FGF1: variants seen among roughly 807,000 people sequenced by gnomAD.
FGF1 encodes the protein fibroblast growth factor 1, also known as beta-endothelial cell growth factor.
FGF1 carries 9 observed loss-of-function variants against 13.4 expected under a neutral mutation model. The observed-to-expected ratio is 0.67, with a 90% confidence interval of 0.40 to 1.17. The LOEUF is 1.17. FGF1 is among the 50% of genes most tolerant of loss of function. FGF1 has a pLI of 0.01. For missense variants in FGF1, 156 were observed against 192.7 expected (o/e 0.81, Z 1.13); for synonymous variants, 93 against 79.0 (o/e 1.18, Z -0.94).
chr5:142,636,432 GT>G (rs770012947), intron 1 of FGF1, among the ~76,000 whole-genome samples: 1 of 152,198 alleles, frequency 6.6e-6, no homozygotes, highest in Non-Finnish European at 1.5e-5. Flanking sequence ...TGGTAAAATT[GT>G]TCCCAGCTGT....
chr5:142,657,197 G>A (rs916404344), intron 1 of FGF1, among the ~76,000 whole-genome samples: 5 of 152,172 alleles, frequency 3.3e-5, no homozygotes, highest in African/African-American at 4.8e-5. Flanking sequence ...GATTACAGGT[G>A]TGAGCCACCG....
rs144232060 is a variant in FGF1 at position 142,606,242 on chromosome 5, G to GTGTGTA, written c.170-5438_170-5437insTACACA. 1.5e-3 allele frequency among the ~76,000 whole-genome samples: 220 copies of GTGTGTA among 148,012 alleles called. 1 individual carries two copies. Among genetic ancestry groups the GTGTGTA allele is most frequent in the African/African-American group, 4.5e-3 (178 of 39,556 alleles). The stretch of plus-strand genomic sequence containing the variant: ...TCTGTGTGTGTGTGTGTGTGTGTGT[G>GTGTGTA]TGTATGTAGTTTTTTTTTTTAATCC... On this transcript the variant is annotated intron_variant, in intron 2 of 3. Transcript: ENST00000337706.
At chr5:142,659,561 G>T (rs1418369252) in intron 1 of FGF1, among the ~76,000 whole-genome samples, 4 of 152,170 alleles carry the variant, frequency 2.6e-5, no homozygotes, top group Non-Finnish European at 5.9e-5. Flanking sequence ...GCAGAATGAT[G>T]AAAGGCAGTG....
At chr5:142,626,107 C>A (rs1486293037) in intron 1 of FGF1, among the ~76,000 whole-genome samples, 1 of 152,142 alleles carries the variant, frequency 6.6e-6, no homozygotes, top group Non-Finnish European at 1.5e-5. Flanking sequence ...AGATATGGTT[C>A]TAAGCACATT....
chr5:142,655,786 A>G (rs1238702271), intron 1 of FGF1, among the ~76,000 whole-genome samples: 1 of 152,208 alleles, frequency 6.6e-6, no homozygotes, highest in Non-Finnish European at 1.5e-5. Flanking sequence ...GGAGAGCCAG[A>G]GCAGCTTTCC....
intron 1 of FGF1, among the ~76,000 whole-genome samples, chr5:142,624,066 C>A (rs1004825275): frequency 6.6e-6 from 1 of 152,090 alleles, no homozygotes; most frequent in Non-Finnish European, 1.5e-5. Context: ...AATACAGGCA[C>A]CCGCTACCAT....
At chr5:142,661,120 C>T (rs945576935) in intron 1 of FGF1, among the ~76,000 whole-genome samples, 2 of 152,230 alleles carry the variant, frequency 1.3e-5, no homozygotes, top group Non-Finnish European at 2.9e-5. Context: ...CTTTTCTTTG[C>T]TCCACTCTTA....
chr5:142,606,248 G>A (rs1332707876), intron 2 of FGF1, among the ~76,000 whole-genome samples: 1 of 147,942 alleles, frequency 6.8e-6, no homozygotes, highest in Non-Finnish European at 1.5e-5. Flanking sequence ...GTGTGTGTAT[G>A]TAGTTTTTTT....
At chr5:142,606,218 C>CTGTGTGTGTGTGTGTGTGTGTGTG (rs61445131) in intron 2 of FGF1, among the ~76,000 whole-genome samples, 1 of 143,068 alleles carries the variant, frequency 7.0e-6, no homozygotes, top group Admixed American at 7.0e-5. Context: ...CTTTCTCTCT[C>CTGTGTGTGTGTGTGTGTGTGTGTG]TGTGTGTGTG....
At chr5:142,637,555 G>A (rs1478028620) in intron 1 of FGF1, among the ~76,000 whole-genome samples, 6 of 151,970 alleles carry the variant, frequency 3.9e-5, no homozygotes, top group South Asian at 2.1e-4. Context: ...TCCTGACTTC[G>A]TGATCTGCCT....
At chr5:142,665,615 A>G (rs1183126530) in intron 1 of FGF1, among the ~76,000 whole-genome samples, 2 of 152,062 alleles carry the variant, frequency 1.3e-5, no homozygotes, top group Non-Finnish European at 2.9e-5. Context: ...CAGTGACCTC[A>G]ATATGTTCTC....
intron 1 of FGF1, among the ~76,000 whole-genome samples, chr5:142,668,976 C>T (rs1017492978): frequency 3.9e-5 from 6 of 152,226 alleles, no homozygotes; most frequent in African/African-American, 1.2e-4. Context: ...ACAGGTTTTA[C>T]ATATGTGGGC....
intron 1 of FGF1, among the ~76,000 whole-genome samples, chr5:142,643,885 A>G (rs897225006): frequency 6.6e-6 from 1 of 152,242 alleles, no homozygotes; most frequent in Non-Finnish European, 1.5e-5. Flanking sequence ...TATTATGAGT[A>G]TGAAATGAAA....
intron 1 of FGF1, among the ~76,000 whole-genome samples, chr5:142,633,317 T>C (rs1016581386): frequency 1.2e-4 from 18 of 152,240 alleles, no homozygotes; most frequent in African/African-American, 3.4e-4. Flanking sequence ...ATGCATTTTA[T>C]TAAGGCTTTT....
At chr5:142,624,799 T>G (rs1044978619) in intron 1 of FGF1, among the ~76,000 whole-genome samples, 4 of 152,244 alleles carry the variant, frequency 2.6e-5, no homozygotes, top group South Asian at 2.1e-4. Flanking sequence ...CTGAGATCCC[T>G]AATCCACAAT....
At chr5:142,626,232 G>C (rs10076212) in intron 1 of FGF1, among the ~76,000 whole-genome samples, 3,428 of 152,258 alleles carry the variant, frequency 0.023, 119 homozygotes, top group African/African-American at 0.078. Flanking sequence ...ACCCTAGCCT[G>C]TTTTAATGCC....
intron 1 of FGF1, among the ~76,000 whole-genome samples, chr5:142,619,178 C>T (rs596452): frequency 0.71 from 107,868 of 151,366 alleles, 39,793 homozygotes; most frequent in African/African-American, 0.91. Context: ...TCGTGATCCA[C>T]CCGCCTCAGC....
chr5:142,674,854 T>G (rs1772206476), intron 1 of FGF1, among the ~76,000 whole-genome samples: 1 of 152,172 alleles, frequency 6.6e-6, no homozygotes, highest in Non-Finnish European at 1.5e-5. Context: ...CTCCTCTGCC[T>G]GCCACGGGTC....
At chr5:142,675,118 C>A (rs115186138) in intron 1 of FGF1, among the ~76,000 whole-genome samples, 140 of 152,282 alleles carry the variant, frequency 9.2e-4, no homozygotes, top group African/African-American at 3.1e-3. Flanking sequence ...ACGCTCCCCC[C>A]TGCGCCGCAT....
Sources: allele counts gnomAD v4.1 joint callset (sites outside exome capture counted in the v4.1 genomes callset), GRCh38; gene constraint gnomAD v4.1.1; transcripts MANE v1.5; gene names NCBI Gene and HGNC (gene_info 2026-07-23, HGNC 2026-07-21).